Variants in RBFOX1 observed in about 807,000 individuals in gnomAD.
RBFOX1 encodes RNA binding fox-1 homolog 1.
A neutral mutation model predicts 57.7 loss-of-function variants in RBFOX1; 8 were observed. The observed-to-expected ratio is 0.14, with a 90% CI of 0.08 to 0.25. RBFOX1 has a LOEUF of 0.25. Ranked by LOEUF, RBFOX1 falls within the 10% of genes least tolerant of loss-of-function variation. RBFOX1 has a pLI of 1.00. For synonymous variants in RBFOX1, 326 were observed against 222.4 expected, an observed-to-expected ratio of 1.47 and a Z score of -4.15; for missense variants, 611 against 548.5, an observed-to-expected ratio of 1.11 and a Z score of -1.14.
intron 3 of RBFOX1, among the ~76,000 whole-genome samples, chr16:6,990,967 T>G (rs969589387): frequency 4.6e-5 from 7 of 152,042 alleles, no homozygotes; most frequent in Admixed American, 4.6e-4. Context: ...TTGCATATTT[T>G]AAAGCTCTGT....
chr16:5,605,090 G>C (rs1036325216), downstream of RBFOX1, among the ~76,000 whole-genome samples: 2 of 152,204 alleles, frequency 1.3e-5, no homozygotes, highest in Non-Finnish European at 2.9e-5. Flanking sequence ...GCCAGTTTGA[G>C]GCAGGTTTGC....
At chr16:6,398,638 C>T (rs1052012090) in intron 2 of RBFOX1, among the ~76,000 whole-genome samples, 1 of 152,220 alleles carries the variant, frequency 6.6e-6, no homozygotes, top group African/African-American at 2.4e-5. Flanking sequence ...CCTTTGACTC[C>T]ATGTCTCACT....
intron 3 of RBFOX1, among the ~76,000 whole-genome samples, chr16:6,800,926 C>G (rs987736057): frequency 6.6e-6 from 1 of 152,086 alleles, no homozygotes; most frequent in South Asian, 2.1e-4. Flanking sequence ...GTTTGCTATC[C>G]GTCTTGCCCC....
At chr16:7,069,321 A>AT (rs1188492397) in intron 4 of RBFOX1, among the ~76,000 whole-genome samples, 1 of 152,116 alleles carries the variant, frequency 6.6e-6, no homozygotes, top group Non-Finnish European at 1.5e-5. Context: ...CCCTGCGTGC[A>AT]TTAGCTGTTT....
In RBFOX1 at chr16:7,348,979, C is replaced by T. The variant is rs187595511; in HGVS notation, c.28-169168C>T. On this transcript the variant is annotated intron_variant, in intron 4 of 15. Coordinates refer to ENST00000550418, the MANE Select transcript of RBFOX1 (RefSeq NM_018723.4). ...AATGAAGAGAGAGGCAGAGATTGAT[C>T]GGCTCCAGTCAACCGGGTGAGTAGG... Among the ~76,000 whole-genome samples, 5 of 152,206 alleles carry T rather than the reference C, an allele frequency of 3.3e-5. No homozygotes were observed. The East Asian group carries it at 5.8e-4, about 18-fold the overall frequency.
intron 15 of RBFOX1, 78 bp from the exon 16 acceptor site, chr16:7,710,545 C>T (rs984167356): frequency 5.7e-6 from 9 of 1,584,872 alleles, no homozygotes; most frequent in Non-Finnish European, 7.7e-6. Flanking sequence ...GTCTATTTTT[C>T]ACATTAGTCT....
At chr16:6,199,758 G>C (rs1416321604) in intron 1 of RBFOX1, among the ~76,000 whole-genome samples, 1 of 152,182 alleles carries the variant, frequency 6.6e-6, no homozygotes. Context: ...GAACTTTATA[G>C]ACAGGGGCTC....
intron 2 of RBFOX1, among the ~76,000 whole-genome samples, chr16:6,607,564 TC>T (rs543877496): frequency 2.2e-3 from 324 of 149,502 alleles, no homozygotes; most frequent in African/African-American, 7.7e-3. Context: ...TCCCTCTTCC[TC>T]CTCTCTCTCC....
chr16:6,102,505 G>A (rs74510375), intron 1 of RBFOX1, among the ~76,000 whole-genome samples: 179 of 152,170 alleles, frequency 1.2e-3, no homozygotes, highest in African/African-American at 4.1e-3. Context: ...CACAGGAAAA[G>A]TTTCCTTTCA....
At chr16:6,424,265 A>AAAC (rs556759404) in intron 2 of RBFOX1, among the ~76,000 whole-genome samples, 2 of 152,134 alleles carry the variant, frequency 1.3e-5, no homozygotes, top group Non-Finnish European at 1.5e-5. Context: ...ATGAACAAAC[A>AAAC]AACAACAACA....
intron 2 of RBFOX1, among the ~76,000 whole-genome samples, chr16:6,563,886 G>T (rs1438958508): frequency 6.6e-6 from 1 of 151,844 alleles, no homozygotes; most frequent in Non-Finnish European, 1.5e-5. Flanking sequence ...GTATGTGTGT[G>T]TGTGTATATG....
intron 4 of RBFOX1, among the ~76,000 whole-genome samples, chr16:7,396,617 C>G (rs969137595): frequency 6.6e-6 from 1 of 152,124 alleles, no homozygotes. Flanking sequence ...TTGGTTCTGT[C>G]AATGGAAATA....
intron 4 of RBFOX1, among the ~76,000 whole-genome samples, chr16:7,252,735 G>A (rs567705321): frequency 1.3e-5 from 2 of 151,116 alleles, no homozygotes; most frequent in South Asian, 4.2e-4. Context: ...CAACGCTAAA[G>A]GTATTTAGGT....
intron 3 of RBFOX1, among the ~76,000 whole-genome samples, chr16:6,881,503 G>C (rs1056088766): frequency 6.6e-6 from 1 of 152,158 alleles, no homozygotes; most frequent in East Asian, 1.9e-4. Context: ...TAGAGAGCCT[G>C]TGTATCTTTA....
At chr16:7,011,846 G>A (rs532824373) in intron 3 of RBFOX1, among the ~76,000 whole-genome samples, 99 of 152,342 alleles carry the variant, frequency 6.5e-4, no homozygotes, top group Admixed American at 1.3e-3. Context: ...TATCAGTCAT[G>A]AGAAATGGGA....
At chr16:6,737,136 G>T (rs148543565) in intron 3 of RBFOX1, among the ~76,000 whole-genome samples, 184 of 152,248 alleles carry the variant, frequency 1.2e-3, no homozygotes, top group African/African-American at 4.1e-3. Flanking sequence ...TACAATAGAG[G>T]AAACAACAGA....
At chr16:5,792,607 C>T (rs2054738552) in intron 3 of RBFOX1, among the ~76,000 whole-genome samples, 1 of 152,150 alleles carries the variant, frequency 6.6e-6, no homozygotes, top group Non-Finnish European at 1.5e-5. Context: ...CTTTGGGAGG[C>T]TGAGGTGGGT....
chr16:6,660,980 TAATG>T (rs924155915), intron 3 of RBFOX1, among the ~76,000 whole-genome samples: 5 of 151,990 alleles, frequency 3.3e-5, no homozygotes, highest in Non-Finnish European at 7.4e-5. Context: ...AGGTAGGAAA[TAATG>T]AATTAATGAA....
intron 1 of RBFOX1, among the ~76,000 whole-genome samples, chr16:6,143,425 C>A (rs1378006969): frequency 1.3e-5 from 2 of 152,176 alleles, no homozygotes; most frequent in African/African-American, 4.8e-5. Context: ...CAATGCATTA[C>A]TGTGGTTTCC....
Sources: gnomAD v4.1 joint callset for allele counts (sites outside exome capture counted in the v4.1 genomes callset) on GRCh38, gnomAD v4.1.1 for gene constraint, MANE v1.5 for transcripts, NCBI Gene and HGNC (gene_info 2026-07-23, HGNC 2026-07-21) for gene names.